The following CSMD3 variants were observed in gnomAD, a reference collection of about 807,000 sequenced individuals.
CSMD3 encodes the protein CUB and sushi domain-containing protein 3.
A neutral mutation model predicts 435.2 loss-of-function variants in CSMD3; 177 were observed. The ratio of observed to expected loss-of-function variants is 0.41; its 90% CI spans 0.36 to 0.46. The LOEUF (loss-of-function observed/expected upper bound fraction) is 0.46, where lower values mean the gene tolerates loss of function less well. Among genes scored for constraint, CSMD3 ranks in the 20% least tolerant of loss-of-function variants. The pLI is 0.34. For synonymous variants in CSMD3, 1,656 were observed against 1,520.5 expected (o/e 1.09, Z -2.07); for missense variants, 4,265 against 4,504.6 (o/e 0.95, Z 1.52).
chr8:113,054,973 AAAATGTTATCTAACATTTG>A (rs997031173), intron 5 of CSMD3, among the ~76,000 whole-genome samples: 8 of 152,130 alleles, frequency 5.3e-5, no homozygotes, highest in Admixed American at 1.3e-4. Context: ...TGCTACATTT[AAAATGTTATCTAACATTTG>A]AAATGTTATC....
intron 63 of CSMD3, among the ~76,000 whole-genome samples, chr8:112,253,895 T>C (rs1815514351): frequency 6.6e-6 from 1 of 152,010 alleles, no homozygotes; most frequent in Non-Finnish European, 1.5e-5. Flanking sequence ...TTAAACTCTT[T>C]TATCTTTACT....
chr8:113,268,900 C>A (rs764038405), intron 3 of CSMD3, among the ~76,000 whole-genome samples: 5 of 151,800 alleles, frequency 3.3e-5, no homozygotes, highest in Admixed American at 6.6e-5. Context: ...ATATTTTATA[C>A]GTGATATTAT....
chr8:112,833,679 T>C (rs1453327135), intron 11 of CSMD3, among the ~76,000 whole-genome samples: 1 of 149,976 alleles, frequency 6.7e-6, no homozygotes, highest in Non-Finnish European at 1.5e-5. Flanking sequence ...GCTTCCAATA[T>C]ATATGTGTGT....
intron 5 of CSMD3, among the ~76,000 whole-genome samples, chr8:113,041,746 T>C (rs1054251689): frequency 1.3e-5 from 2 of 152,216 alleles, no homozygotes; most frequent in African/African-American, 4.8e-5. Context: ...ATTTTCCAAA[T>C]TGCATTTATG....
intron 13 of CSMD3, among the ~76,000 whole-genome samples, chr8:112,752,902 T>C (rs1439703404): frequency 8.0e-3 from 53 of 6,636 alleles, no homozygotes; most frequent in African/African-American, 0.026. Context: ...TGTTACCGCG[T>C]GTGTGTGTGT....
intron 7 of CSMD3, among the ~76,000 whole-genome samples, chr8:112,963,762 G>A (rs1305580643): frequency 6.6e-6 from 1 of 151,924 alleles, no homozygotes; most frequent in Admixed American, 6.6e-5. Context: ...TCTGAGATGA[G>A]TTGAATGTTA....
intron 3 of CSMD3, among the ~76,000 whole-genome samples, chr8:113,213,664 A>G (rs187513766): frequency 6.6e-6 from 1 of 152,150 alleles, no homozygotes; most frequent in East Asian, 1.9e-4. Context: ...TAAGTATACA[A>G]TTATGAAGCC....
chr8:113,002,322 A>G (rs2085894484), intron 6 of CSMD3, among the ~76,000 whole-genome samples: 1 of 152,094 alleles, frequency 6.6e-6, no homozygotes. Flanking sequence ...AGCACTCAGA[A>G]ATTTTATTTA....
At chr8:112,917,473 T>C (rs1322328953) in intron 10 of CSMD3, among the ~76,000 whole-genome samples, 2 of 151,730 alleles carry the variant, frequency 1.3e-5, no homozygotes, top group Non-Finnish European at 2.9e-5. Context: ...CTGTTTATTA[T>C]TGAGACATTG....
chr8:112,704,017 G>A (rs1298231843), intron 13 of CSMD3, among the ~76,000 whole-genome samples: 1 of 152,118 alleles, frequency 6.6e-6, no homozygotes, highest in Non-Finnish European at 1.5e-5. Flanking sequence ...ATGGCAGCAA[G>A]TATGCCCTGG....
At chr8:112,579,711 T>C (rs2131324920) in intron 23 of CSMD3, among the ~76,000 whole-genome samples, 1 of 152,086 alleles carries the variant, frequency 6.6e-6, no homozygotes, top group Admixed American at 6.6e-5. Flanking sequence ...CACACATAGA[T>C]AGGAAAGAAA....
chr8:112,482,010 A>G (rs1345458898), intron 31 of CSMD3, among the ~76,000 whole-genome samples: 1 of 152,098 alleles, frequency 6.6e-6, no homozygotes, highest in East Asian at 1.9e-4. Context: ...TTAATACTAA[A>G]AAAAAAAAAT....
intron 13 of CSMD3, among the ~76,000 whole-genome samples, chr8:112,715,194 A>T (rs2076697152): frequency 6.6e-6 from 1 of 152,176 alleles, no homozygotes; most frequent in South Asian, 2.1e-4. Flanking sequence ...ATGAAGGAGA[A>T]AAGAGATAAG....
intron 50 of CSMD3, among the ~76,000 whole-genome samples, chr8:112,308,573 A>G (rs1821660875): frequency 1.3e-5 from 2 of 152,068 alleles, no homozygotes; most frequent in Admixed American, 1.3e-4. Context: ...GTGGTTGTAA[A>G]AGAGGCTTGT....
At chr8:112,561,901 A>T (rs1828658980) in intron 24 of CSMD3, among the ~76,000 whole-genome samples, 2 of 151,666 alleles carry the variant, frequency 1.3e-5, no homozygotes, top group Non-Finnish European at 3.0e-5. Context: ...ACACTCACAC[A>T]CACACAAACA....
At position 112,258,777 on chromosome 8, in the gene CSMD3, C is replaced by G. The variant is rs556796635; in HGVS notation, c.9863-3350G>C. 3.9e-5 allele frequency among the ~76,000 whole-genome samples: 6 copies of G among 152,236 alleles called. No homozygotes were observed. The South Asian group carries it at 1.2e-3, about 32-fold the overall frequency. On this transcript the variant is annotated intron_variant, in intron 61 of 70. Transcript: ENST00000297405. ...TTTGATGGCCTGGCACAGTGGCTCA[C>G]GCCTGTAATCCCAGCACTTTGGGAG...
intron 4 of CSMD3, among the ~76,000 whole-genome samples, chr8:113,121,398 G>A (rs1471860394): frequency 6.6e-6 from 1 of 151,980 alleles, no homozygotes; most frequent in Admixed American, 6.6e-5. Flanking sequence ...CTACAAAGGT[G>A]GATTTGTTAG....
chr8:112,405,403 T>C (rs1485821447), intron 35 of CSMD3, among the ~76,000 whole-genome samples: 1 of 150,394 alleles, frequency 6.6e-6, no homozygotes, highest in Admixed American at 6.7e-5. Flanking sequence ...ATAATAAAAA[T>C]TCCCAGATAT....
intron 5 of CSMD3, among the ~76,000 whole-genome samples, chr8:113,056,343 C>G (rs1225009243): frequency 2.6e-5 from 4 of 152,018 alleles, no homozygotes; most frequent in East Asian, 3.9e-4. Flanking sequence ...AACTGATGCA[C>G]CATCCTAGTT....
Sources: gnomAD v4.1 joint callset for allele counts (sites outside exome capture counted in the v4.1 genomes callset) on GRCh38, gnomAD v4.1.1 for gene constraint, MANE v1.5 for transcripts, NCBI Gene and HGNC (gene_info 2026-07-23, HGNC 2026-07-21) for gene names.